Variants in CLSTN2 observed in about 807,000 individuals in gnomAD.
CLSTN2 encodes the protein calsyntenin 2, also known as calsyntenin-2.
Under a neutral mutation model 101.2 loss-of-function variants are expected in CLSTN2, and 48 were observed. That is an observed-to-expected ratio of 0.47 (90% confidence interval 0.38 to 0.60). The LOEUF (loss-of-function observed/expected upper bound fraction) is 0.60, where lower values mean the gene tolerates loss of function less well. CLSTN2 is among the 20% of genes least tolerant of loss of function. The pLI, the probability that CLSTN2 is intolerant of heterozygous loss-of-function variation, is 0.00. For synonymous variants in CLSTN2, 481 were observed against 463.6 expected, an observed-to-expected ratio of 1.04 and a Z score of -0.48; for missense variants, 1,160 against 1,238.2, an observed-to-expected ratio of 0.94 and a Z score of 0.95.
chr3:140,564,162 G>T lies in CLSTN2; in HGVS notation c.2667+17G>T. On this transcript the variant is annotated intron_variant, in intron 16 of 16. Coordinates refer to ENST00000458420, the MANE Select transcript of CLSTN2 (RefSeq NM_022131.3). ...CCCATGGAGGTGATCCTCATGCACGGCTGGGAGTTCTGGGTGGGGTGCTTC... is the reference window on the plus strand; with the variant it reads ...CCCATGGAGGTGATCCTCATGCACGTCTGGGAGTTCTGGGTGGGGTGCTTC... The T allele has an allele frequency of 6.2e-7, 1 of 1,610,944 alleles. No individual in the cohort carries two copies. The highest frequency in any genetic ancestry group is 8.5e-7 in the Non-Finnish European group (1 of 1,177,788).
chr3:140,087,809 A>T (rs72984145), intron 1 of CLSTN2, among the ~76,000 whole-genome samples: 1 of 152,284 alleles, frequency 6.6e-6, no homozygotes, highest in African/African-American at 2.4e-5. Flanking sequence ...AGTTAAGTGG[A>T]TAAGTTGTTT....
intron 8 of CLSTN2, among the ~76,000 whole-genome samples, chr3:140,514,917 C>CTCTA (rs1399507154): frequency 6.6e-6 from 1 of 151,936 alleles, no homozygotes; most frequent in Non-Finnish European, 1.5e-5. Flanking sequence ...CTCTCTCTTT[C>CTCTA]TCTATCTTTT....
chr3:140,442,378 C>G (rs1932947119), intron 5 of CLSTN2, among the ~76,000 whole-genome samples: 2 of 152,238 alleles, frequency 1.3e-5, no homozygotes, highest in South Asian at 4.2e-4. Context: ...AAAATGCTTG[C>G]CCTGCCTTAC....
chr3:140,061,456 C>A (rs1195173601), intron 1 of CLSTN2, among the ~76,000 whole-genome samples: 1 of 152,140 alleles, frequency 6.6e-6, no homozygotes, highest in Non-Finnish European at 1.5e-5. Flanking sequence ...CCCTAGGAGA[C>A]CTCATGGCTG....
At chr3:140,327,255 C>T (rs2087341418) in intron 2 of CLSTN2, among the ~76,000 whole-genome samples, 1 of 152,226 alleles carries the variant, frequency 6.6e-6, no homozygotes, top group African/African-American at 2.4e-5. Context: ...TGATGCTCAA[C>T]TGTGCACTAA....
intron 4 of CLSTN2, among the ~76,000 whole-genome samples, chr3:140,414,778 A>C (rs2088409096): frequency 6.6e-6 from 1 of 152,134 alleles, no homozygotes; most frequent in African/African-American, 2.4e-5. Context: ...ACTCAATGCA[A>C]TCTCTATCAA....
chr3:140,551,700 C>T (rs77955736), intron 10 of CLSTN2, among the ~76,000 whole-genome samples: 4,758 of 152,076 alleles, frequency 0.031, 260 homozygotes, highest in African/African-American at 0.11. Context: ...TTGGGCAAGA[C>T]ACGTTAATCC....
intron 2 of CLSTN2, among the ~76,000 whole-genome samples, chr3:140,260,202 T>C (rs1230908885): frequency 6.6e-6 from 1 of 150,454 alleles, no homozygotes; most frequent in East Asian, 1.9e-4. Flanking sequence ...AATAAATGTA[T>C]TTTATTTCTT....
At chr3:140,368,268 T>C (rs576185399) in intron 2 of CLSTN2, among the ~76,000 whole-genome samples, 1 of 152,292 alleles carries the variant, frequency 6.6e-6, no homozygotes, top group Non-Finnish European at 1.5e-5. Context: ...CTTTCCTGCA[T>C]TGCTTGTGCC....
At chr3:140,280,304 C>T (rs561783758) in intron 2 of CLSTN2, among the ~76,000 whole-genome samples, 9 of 152,110 alleles carry the variant, frequency 5.9e-5, no homozygotes, top group South Asian at 2.1e-4. Context: ...TCTGTCATTT[C>T]GGATCCTGGG....
chr3:139,988,368 T>G (rs1936063503), intron 1 of CLSTN2, among the ~76,000 whole-genome samples: 1 of 152,012 alleles, frequency 6.6e-6, no homozygotes, highest in African/African-American at 2.4e-5. Context: ...TAAAATAGAG[T>G]ATTGACAGCA....
At chr3:140,023,898 C>T (rs368017473) in intron 1 of CLSTN2, among the ~76,000 whole-genome samples, 14 of 152,180 alleles carry the variant, frequency 9.2e-5, no homozygotes, top group East Asian at 3.9e-4. Context: ...CACCAGGCTA[C>T]GGGGCCAAAC....
intron 6 of CLSTN2, among the ~76,000 whole-genome samples, chr3:140,457,229 C>T (rs1303824429): frequency 2.6e-5 from 4 of 152,202 alleles, no homozygotes; most frequent in Non-Finnish European, 4.4e-5. Context: ...ATATTGGTCC[C>T]ATTGGCTTGA....
intron 2 of CLSTN2, among the ~76,000 whole-genome samples, chr3:140,278,500 C>T (rs1272898520): frequency 1.3e-5 from 2 of 152,174 alleles, no homozygotes; most frequent in Admixed American, 1.3e-4. Flanking sequence ...CCTCCTCCTT[C>T]TGGCCTCCTT....
At chr3:140,459,229 C>T (rs905699295) in intron 6 of CLSTN2, among the ~76,000 whole-genome samples, 2 of 152,180 alleles carry the variant, frequency 1.3e-5, no homozygotes, top group East Asian at 1.9e-4. Flanking sequence ...CTAGTAAGAG[C>T]CCCCAGGGTT....
chr3:139,984,880 C>T (rs938872432), intron 1 of CLSTN2, among the ~76,000 whole-genome samples: 14 of 152,156 alleles, frequency 9.2e-5, no homozygotes, highest in Non-Finnish European at 1.5e-4. Flanking sequence ...ATGCTTCTTC[C>T]CCTACTCCCC....
At chr3:139,995,925 T>G (rs1394569666) in intron 1 of CLSTN2, among the ~76,000 whole-genome samples, 2 of 152,226 alleles carry the variant, frequency 1.3e-5, no homozygotes, top group Non-Finnish European at 2.9e-5. Flanking sequence ...ATTATTTTCA[T>G]TATGTACTAT....
intron 6 of CLSTN2, among the ~76,000 whole-genome samples, chr3:140,449,000 CAGG>C (rs1933169953): frequency 6.6e-6 from 1 of 152,150 alleles, no homozygotes; most frequent in Non-Finnish European, 1.5e-5. Flanking sequence ...ACGATACTTT[CAGG>C]AGTACCTAGG....
At chr3:140,228,919 G>A (rs1385750687) in intron 2 of CLSTN2, among the ~76,000 whole-genome samples, 2 of 152,154 alleles carry the variant, frequency 1.3e-5, no homozygotes, top group African/African-American at 4.8e-5. Context: ...GATGAGATTT[G>A]GGTAGGAATA....
Sources: allele counts gnomAD v4.1 joint callset (sites outside exome capture counted in the v4.1 genomes callset), GRCh38; gene constraint gnomAD v4.1.1; transcripts MANE v1.5; gene names NCBI Gene and HGNC (gene_info 2026-07-23, HGNC 2026-07-21).